The following NUP88 variants were observed in gnomAD, a reference collection of about 807,000 sequenced individuals.
The protein encoded by NUP88 is nuclear pore complex protein Nup88.
A neutral mutation model predicts 93.9 loss-of-function variants in NUP88; 57 were observed. That is an observed-to-expected ratio of 0.61 (90% CI 0.49 to 0.76). The LOEUF (loss-of-function observed/expected upper bound fraction) is 0.76, where lower values mean the gene tolerates loss of function less well. Ranked by LOEUF, NUP88 falls within the 30% of genes least tolerant of loss-of-function variation. The probability of loss-of-function intolerance (pLI) is 0.00; values close to 1 mark genes in which losing one functional copy is unlikely to be tolerated. For synonymous variants in NUP88, 346 were observed against 336.8 expected (o/e 1.03, Z -0.30); for missense variants, 911 against 901.0 (o/e 1.01, Z -0.14).
At chr17:5,403,597 TTG>T (rs1439004614) in intron 7 of NUP88, among the ~76,000 whole-genome samples, 27 of 150,484 alleles carry the variant, frequency 1.8e-4, no homozygotes, top group African/African-American at 6.1e-4. Flanking sequence ...GAGATGGAGG[TTG>T]CAGTGAGTCG....
chr17:5,393,453 T>C (rs1912573229), intron 9 of NUP88, among the ~76,000 whole-genome samples: 1 of 148,794 alleles, frequency 6.7e-6, no homozygotes, highest in South Asian at 2.1e-4. Flanking sequence ...TTTTTTTTTT[T>C]TGAGATGGAG....
intron 9 of NUP88, 110 bp from the exon 10 acceptor site, chr17:5,391,772 G>A: frequency 1.2e-6 from 1 of 805,008 alleles, no homozygotes; most frequent in Admixed American, 2.0e-5. Flanking sequence ...AGTTGCTTGG[G>A]ACATCCTATC....
chr17:5,409,313 G>T (rs1470402264), intron 4 of NUP88, among the ~76,000 whole-genome samples: 3 of 150,850 alleles, frequency 2.0e-5, no homozygotes, highest in Non-Finnish European at 4.4e-5. Context: ...GGCGGAGGTT[G>T]CAGTGAGCCG....
At chr17:5,391,689 T>G in intron 9 of NUP88, 27 bp from the exon 10 acceptor site, 1 of 1,579,558 alleles carries the variant, frequency 6.3e-7, no homozygotes, top group Non-Finnish European at 8.7e-7. Flanking sequence ...ATAGTTAAAT[T>G]ACAAAGCAGC....
chr17:5,413,422 T>C (rs3026145), intron 3 of NUP88, among the ~76,000 whole-genome samples: 66,453 of 152,016 alleles, frequency 0.44, 15,288 homozygotes, highest in East Asian at 0.84. Context: ...TTACGAAAAA[T>C]AAAACTGAAG....
In NUP88 at chr17:5,386,138, C is replaced by A; in HGVS notation, c.*68G>T. ...CTTTTTATAAATTAGATAATTCTAC[C>A]TGTTTTACAATATGGGTTTAAGCCT... On this transcript the variant is annotated 3_prime_UTR_variant, in exon 17 of 17. Coordinates refer to ENST00000573584, the MANE Select transcript of NUP88 (RefSeq NM_002532.6). The A allele has an allele frequency of 1.7e-6, 2 of 1,151,470 alleles. No homozygotes were observed. The highest frequency in any genetic ancestry group is 2.5e-5 in the East Asian group (1 of 39,968). 71.3% of individuals were successfully genotyped at this position (1,151,470 alleles called of 1,614,324 possible). A position where few individuals can be genotyped will look rare whatever the true frequency, so the allele number is the denominator to read the frequency against.
At chr17:5,390,181 A>AAAAAAAT (rs1555528177) in intron 10 of NUP88, among the ~76,000 whole-genome samples, 1 of 147,774 alleles carries the variant, frequency 6.8e-6, no homozygotes, top group African/African-American at 2.5e-5. Context: ...AAAAAAAAAA[A>AAAAAAAT]TATCCAGACA....
intron 1 of NUP88, among the ~76,000 whole-genome samples, chr17:5,418,720 A>C (rs1408546591): frequency 1.3e-5 from 2 of 152,190 alleles, no homozygotes; most frequent in Non-Finnish European, 2.9e-5. Flanking sequence ...ATGAGTACCA[A>C]GCTCTTTTTC....
chr17:5,404,091 G>C lies in NUP88; in HGVS notation c.1192+8C>G, dbSNP rs562130045. The C allele has an allele frequency of 6.2e-7, 1 of 1,613,084 alleles. No individual in the cohort carries two copies. On this transcript the variant is annotated splice_region_variant and intron_variant, in intron 7 of 16. Coordinates refer to ENST00000573584, the MANE Select transcript of NUP88 (RefSeq NM_002532.6). ...GGAAAAAAGCACTACATTTATTGAA[G>C]AGCTTACCTCTATGAAGTTTGACTG...
intron 11 of NUP88, 35 bp downstream of exon 11, chr17:5,388,767 C>T: frequency 6.3e-7 from 1 of 1,582,262 alleles, no homozygotes; most frequent in Non-Finnish European, 8.6e-7. Flanking sequence ...AGAAGAGAAC[C>T]CATTCATAAA....
In NUP88 at chr17:5,385,930, A is replaced by T. The variant is rs530828358; in HGVS notation, c.*276T>A. 2.7e-6 allele frequency: 1 copy of T among 368,468 alleles called. No individual in the cohort carries two copies. 22.8% of individuals were successfully genotyped at this position (368,468 alleles called of 1,614,324 possible). Reference sequence around the variant, plus strand: ...AACTAACTTGCTCAAATATGGAGAAAACTCAATAGGGTTCAGGGAGGTTCT... The same window carrying T: ...AACTAACTTGCTCAAATATGGAGAATACTCAATAGGGTTCAGGGAGGTTCT... On this transcript the variant is annotated 3_prime_UTR_variant, in exon 17 of 17. Transcript: ENST00000573584.
rs11209 is a variant in NUP88 at position 5,386,260 on chromosome 17, A to G, written c.2172T>C (p.His724=). Reference sequence around the variant, plus strand: ...TGATTTGCTTCACCATTTCCCTTATATGTTCACCCCTGTAAAATTGTAAAG... The same window carrying G: ...TGATTTGCTTCACCATTTCCCTTATGTGTTCACCCCTGTAAAATTGTAAAG... ...IQSILKEEGE[H]IREMVKQIND... Residue 724 remains histidine (H), a synonymous_variant, in exon 17 of 17, where the codon CAT becomes CAC. Coordinates refer to ENST00000573584, the MANE Select transcript of NUP88 (RefSeq NM_002532.6). 0.42 allele frequency: 669,428 copies of G among 1,607,144 alleles called. 148,408 individuals carry two copies. The highest frequency in any genetic ancestry group is 0.84 in the East Asian group (37,683 of 44,776).
chr17:5,387,109 T>G lies in NUP88; in HGVS notation c.1918A>C (p.Met640Leu). ...TGAAAACTGTGAAGTAGTTTTTTCA[T>G]CCTTTAGAAAAGGCAAGCAAACATC... is the stretch of plus-strand genomic sequence containing the variant. ...KEKQEDIMNRMKKLLHSFHSE... is the reference protein window; with the variant it reads ...KEKQEDIMNRLKKLLHSFHSE... Residue 640 changes from methionine (M) to leucine (L), a missense_variant and splice_region_variant, in exon 15 of 17, where the codon ATG becomes CTG. Met to Leu is a conservative substitution (Grantham distance 15, BLOSUM62 2). Coordinates refer to ENST00000573584, the MANE Select transcript of NUP88 (RefSeq NM_002532.6). 1 of 1,613,004 alleles carries G rather than the reference T, an allele frequency of 6.2e-7. No homozygotes were observed. The highest frequency in any genetic ancestry group is 1.1e-5 in the South Asian group (1 of 90,724).
At chr17:5,403,989 A>C in intron 7 of NUP88, 110 bp downstream of exon 7, 2 of 1,182,360 alleles carry the variant, frequency 1.7e-6, no homozygotes, top group Non-Finnish European at 2.4e-6. Context: ...AACCCAGTCA[A>C]CTTTTTAAAG....
chr17:5,391,450 A>G (rs1286593955), intron 10 of NUP88, 111 bp downstream of exon 10: 13 of 790,146 alleles, frequency 1.6e-5, no homozygotes, highest in Admixed American at 6.7e-5. Context: ...GTCAGAAGCC[A>G]AAGTATAAAC....
At chr17:5,387,193 T>C in intron 14 of NUP88, 83 bp from the exon 15 acceptor site, 2 of 1,498,978 alleles carry the variant, frequency 1.3e-6, no homozygotes, top group Non-Finnish European at 1.8e-6. Flanking sequence ...AATTCATGAA[T>C]CTGGTGTTTC....
intron 3 of NUP88, among the ~76,000 whole-genome samples, chr17:5,413,514 T>C (rs923201892): frequency 6.6e-6 from 1 of 152,072 alleles, no homozygotes; most frequent in Admixed American, 6.6e-5. Flanking sequence ...AGAGTAGAAA[T>C]CTACGTAGCA....
At chr17:5,393,521 G>C (rs117428072) in intron 9 of NUP88, among the ~76,000 whole-genome samples, 18,616 of 143,138 alleles carry the variant, frequency 0.13, 1,338 homozygotes, top group East Asian at 0.24. Flanking sequence ...ACTGCAACCT[G>C]TGCTGCCCGG....
chr17:5,419,021 G>C (rs532203625), intron 1 of NUP88, among the ~76,000 whole-genome samples: 1 of 152,206 alleles, frequency 6.6e-6, no homozygotes, highest in Non-Finnish European at 1.5e-5. Flanking sequence ...CCTATTATAA[G>C]CGTCACATCA....
Sources: gnomAD v4.1 joint callset for allele counts (sites outside exome capture counted in the v4.1 genomes callset) on GRCh38, gnomAD v4.1.1 for gene constraint, MANE v1.5 for transcripts, NCBI Gene and HGNC (gene_info 2026-07-23, HGNC 2026-07-21) for gene names.